The following BCHE variants were observed in gnomAD, a reference collection of about 807,000 sequenced individuals.
BCHE encodes cholinesterase.
BCHE carries 48 observed loss-of-function variants against 51.3 expected under a neutral mutation model. That is an observed-to-expected ratio of 0.94 (90% confidence interval 0.74 to 1.19). The LOEUF (loss-of-function observed/expected upper bound fraction) is 1.19, where lower values mean the gene tolerates loss of function less well. Ranked by LOEUF, BCHE falls within the 50% of genes most tolerant of loss-of-function variation. BCHE has a pLI of 0.00. For synonymous variants in BCHE, 251 were observed against 238.0 expected (o/e 1.05, Z -0.50); for missense variants, 847 against 708.2 (o/e 1.20, Z -2.23).
intron 2 of BCHE, among the ~76,000 whole-genome samples, chr3:165,789,302 A>G (rs74747163): frequency 1.5e-5 from 1 of 67,038 alleles, no homozygotes; most frequent in East Asian, 4.1e-4. Context: ...AACAAAAAAA[A>G]GCAGAGTATC....
intron 3 of BCHE, among the ~76,000 whole-genome samples, chr3:165,774,855 A>C (rs1029535228): frequency 6.6e-6 from 1 of 152,184 alleles, no homozygotes; most frequent in Non-Finnish European, 1.5e-5. Context: ...AGAACTTTGA[A>C]ATTCTGATTT....
At chr3:165,819,012 G>A (rs560656658) in intron 2 of BCHE, among the ~76,000 whole-genome samples, 1 of 151,476 alleles carries the variant, frequency 6.6e-6, no homozygotes, top group Admixed American at 6.6e-5. Context: ...GCCTTTCTTT[G>A]GAGGTGAAAA....
intron 2 of BCHE, among the ~76,000 whole-genome samples, chr3:165,793,907 C>T (rs958705287): frequency 6.6e-6 from 1 of 151,994 alleles, no homozygotes; most frequent in Admixed American, 6.6e-5. Context: ...AATAGCGGGG[C>T]GTGGTGGTGT....
intron 3 of BCHE, among the ~76,000 whole-genome samples, chr3:165,780,509 C>T (rs1712652620): frequency 6.6e-6 from 1 of 152,138 alleles, no homozygotes; most frequent in South Asian, 2.1e-4. Context: ...GCAATCTATC[C>T]ATCTGACAAA....
At chr3:165,784,717 T>C (rs1474479994) in intron 3 of BCHE, among the ~76,000 whole-genome samples, 1 of 151,900 alleles carries the variant, frequency 6.6e-6, no homozygotes, top group Non-Finnish European at 1.5e-5. Context: ...ATCGCATAAA[T>C]TGCAATAGAT....
intron 2 of BCHE, among the ~76,000 whole-genome samples, chr3:165,827,305 T>G (rs1026921207): frequency 7.9e-5 from 12 of 152,008 alleles, no homozygotes; most frequent in Non-Finnish European, 1.8e-4. Flanking sequence ...AAATAACATC[T>G]TGTTATTGCC....
Position 165,831,052 on chromosome 3 carries a change from G to A in BCHE, c.-8-11C>T, listed in dbSNP as rs748658883. 1.3e-6 allele frequency: 2 copies of A among 1,596,876 alleles called. No homozygotes were observed. Among genetic ancestry groups the A allele is most frequent in the African/African-American group, 2.7e-5 (2 of 74,552 alleles). Reference sequence around the variant, plus strand: ...TATGCATATTGATTTCTGAAAGAGAGGTAAGTATAATGTTTTATAAGCCTT... The same window carrying A: ...TATGCATATTGATTTCTGAAAGAGAAGTAAGTATAATGTTTTATAAGCCTT... On this transcript the variant is annotated splice_polypyrimidine_tract_variant and intron_variant, in intron 1 of 3. Transcript: ENST00000264381.
chr3:165,832,178 T>C (rs538014426), intron 1 of BCHE, among the ~76,000 whole-genome samples: 2 of 152,270 alleles, frequency 1.3e-5, no homozygotes, highest in East Asian at 3.9e-4. Context: ...CTAAGTTTTA[T>C]CAGAAATTCA....
chr3:165,806,951 G>T (rs1202646134), intron 2 of BCHE, among the ~76,000 whole-genome samples: 1 of 151,864 alleles, frequency 6.6e-6, no homozygotes, highest in African/African-American at 2.4e-5. Context: ...GTCTTTAGGA[G>T]GTTATGTTAA....
chr3:165,827,688 C>G (rs964940182), intron 2 of BCHE, among the ~76,000 whole-genome samples: 5 of 151,752 alleles, frequency 3.3e-5, no homozygotes, highest in African/African-American at 1.2e-4. Context: ...ATTTACAGTT[C>G]CTAGAATTTA....
intron 2 of BCHE, among the ~76,000 whole-genome samples, chr3:165,791,242 C>T (rs932430399): frequency 6.6e-6 from 1 of 151,558 alleles, no homozygotes; most frequent in Non-Finnish European, 1.5e-5. Context: ...TTGCAATGAG[C>T]CGAGATCACA....
At chr3:165,818,691 G>C (rs1450626308) in intron 2 of BCHE, among the ~76,000 whole-genome samples, 1 of 152,106 alleles carries the variant, frequency 6.6e-6, no homozygotes, top group Admixed American at 6.6e-5. Flanking sequence ...TCATGAAGCA[G>C]AGGAAGAGAC....
chr3:165,830,119 T>G lies in BCHE; in HGVS notation c.915A>C (p.Ala305=). ...KDPQEILLNE[A]FVVPYGTPLS... is the part of the protein sequence containing the mutation. ...AAGGAGTCCCATAGGGGACAACAAA[T>G]GCTTCATTCAGAAGAATTTCTTGGG... is the stretch of plus-strand genomic sequence containing the variant. Residue 305 remains alanine, a synonymous_variant, in exon 2 of 4, where the codon GCA becomes GCC. Transcript: ENST00000264381. 6.2e-7 allele frequency: 1 copy of G among 1,613,864 alleles called. No homozygotes were observed. The highest frequency in any genetic ancestry group is 8.5e-7 in the Non-Finnish European group (1 of 1,179,898).
chr3:165,792,326 CT>C (rs1432104587), intron 2 of BCHE, among the ~76,000 whole-genome samples: 2 of 152,050 alleles, frequency 1.3e-5, no homozygotes, highest in African/African-American at 4.8e-5. Context: ...GGAAAATTTT[CT>C]TTTAGGAAAA....
chr3:165,797,951 G>A (rs1279825940), intron 2 of BCHE, among the ~76,000 whole-genome samples: 2 of 152,202 alleles, frequency 1.3e-5, no homozygotes, highest in Non-Finnish European at 2.9e-5. Context: ...TTAATGGGTA[G>A]TTTCAGCATA....
intron 2 of BCHE, among the ~76,000 whole-genome samples, chr3:165,807,243 T>C (rs1054692109): frequency 6.6e-6 from 1 of 151,994 alleles, no homozygotes; most frequent in African/African-American, 2.4e-5. Flanking sequence ...TGAATTATAA[T>C]GTTTGTCTAC....
intron 1 of BCHE, among the ~76,000 whole-genome samples, chr3:165,834,784 T>A (rs1715131045): frequency 6.6e-6 from 1 of 151,874 alleles, no homozygotes; most frequent in Non-Finnish European, 1.5e-5. Context: ...GTTTTTCTTT[T>A]TTTTAATTTT....
chr3:165,773,183 T>A lies in BCHE; in HGVS notation c.*199A>T. 5 of 496,408 alleles carry A rather than the reference T, an allele frequency of 1.0e-5. No individual in the cohort carries two copies. Among genetic ancestry groups the A allele is most frequent in the Non-Finnish European group, 1.1e-5 (3 of 281,852 alleles). The allele number at this position is 496,408 out of a possible 1,614,324, so 30.8% of individuals were successfully genotyped here. A position where few individuals can be genotyped will look rare whatever the true frequency, so the allele number is the denominator to read the frequency against. On this transcript the variant is annotated 3_prime_UTR_variant, in exon 4 of 4. Transcript: ENST00000264381. ...CTGTAGAACTTTATATTGTGAAATT[T>A]AATTAAACACGTTCTAGCCATTTGG...
At chr3:165,787,966 G>T (rs1159056813) in intron 2 of BCHE, among the ~76,000 whole-genome samples, 2 of 151,954 alleles carry the variant, frequency 1.3e-5, no homozygotes, top group Non-Finnish European at 1.5e-5. Context: ...TTCATTCCTT[G>T]CTCTTATTCT....
Sources: gnomAD v4.1 joint callset for allele counts (sites outside exome capture counted in the v4.1 genomes callset) on GRCh38, gnomAD v4.1.1 for gene constraint, MANE v1.5 for transcripts, NCBI Gene and HGNC (gene_info 2026-07-23, HGNC 2026-07-21) for gene names.